The following SCEL variants were observed in gnomAD, a reference collection of about 807,000 sequenced individuals.
SCEL encodes sciellin.
In SCEL, 113 loss-of-function variants were observed where a neutral mutation model predicts 117.6. The ratio of observed to expected loss-of-function variants is 0.96; its 90% CI spans 0.83 to 1.12. The LOEUF is 1.12. SCEL is among the 50% of genes most tolerant of loss of function. The pLI is 0.00. For missense variants in SCEL, 785 were observed against 810.8 expected (o/e 0.97, Z 0.39); for synonymous variants, 270 against 256.2 (o/e 1.05, Z -0.51).
chr13:77,604,296 T>G, intron 18 of SCEL, 60 bp from the exon 19 acceptor site: 2 of 1,045,162 alleles, frequency 1.9e-6, no homozygotes, highest in Non-Finnish European at 2.8e-6. Flanking sequence ...CCAGCCATTA[T>G]TCATCTGATT....
chr13:77,581,753 AG>A (rs1324735819), intron 9 of SCEL, among the ~76,000 whole-genome samples: 2 of 152,172 alleles, frequency 1.3e-5, no homozygotes, highest in African/African-American at 4.8e-5. Context: ...TATCGACTAG[AG>A]ATTGTAAATT....
intron 28 of SCEL, among the ~76,000 whole-genome samples, chr13:77,633,456 A>G (rs2090128618): frequency 6.9e-6 from 1 of 144,146 alleles, no homozygotes; most frequent in African/African-American, 2.6e-5. Context: ...AAAAAAAAAA[A>G]AAAAAAAAAA....
At chr13:77,610,854 T>A (rs1219535923) in intron 22 of SCEL, among the ~76,000 whole-genome samples, 2 of 152,188 alleles carry the variant, frequency 1.3e-5, no homozygotes, top group Admixed American at 1.3e-4. Context: ...TCTCAGTTCA[T>A]TGAAAAAAGA....
intron 1 of SCEL, among the ~76,000 whole-genome samples, chr13:77,543,184 C>T (rs907643557): frequency 1.2e-4 from 18 of 149,466 alleles, no homozygotes; most frequent in Non-Finnish European, 2.2e-4. Context: ...CCCGGGTTCA[C>T]GCCATTCTCC....
Position 77,638,887 on chromosome 13 carries a change from C to G in SCEL, c.1838+1693C>G, listed in dbSNP as rs900316545. 7.9e-5 allele frequency among the ~76,000 whole-genome samples: 12 copies of G among 152,194 alleles called. No individual in the cohort carries two copies. In the East Asian group the frequency reaches 2.3e-3, roughly 29 times the overall value. On this transcript the variant is annotated intron_variant, in intron 30 of 32. Coordinates refer to ENST00000349847, the MANE Select transcript of SCEL (RefSeq NM_144777.3). Reference sequence around the variant, plus strand: ...CTCCACCAACCCCTCATCCCCACCCCACCAAGCCCACCTTGAGAGCTCTTT... The same window carrying G: ...CTCCACCAACCCCTCATCCCCACCCGACCAAGCCCACCTTGAGAGCTCTTT...
At chr13:77,538,220 G>A (rs149570467) in intron 1 of SCEL, among the ~76,000 whole-genome samples, 111 of 150,662 alleles carry the variant, frequency 7.4e-4, no homozygotes, top group South Asian at 3.4e-3. Flanking sequence ...ATGTTCCAGC[G>A]ATTCTCCTGC....
chr13:77,641,522 A>T (rs1776653768), intron 31 of SCEL, among the ~76,000 whole-genome samples: 1 of 152,186 alleles, frequency 6.6e-6, no homozygotes, highest in South Asian at 2.1e-4. Context: ...TGACTAGACC[A>T]GTGGATCTCA....
At chr13:77,567,834 C>T in intron 6 of SCEL, 86 bp downstream of exon 6, 1 of 795,082 alleles carries the variant, frequency 1.3e-6, no homozygotes, top group Non-Finnish European at 2.1e-6. Context: ...TTCAATCCTA[C>T]TTGATATCTT....
chr13:77,536,063 C>T (rs1427398833), intron 1 of SCEL, among the ~76,000 whole-genome samples: 2 of 151,950 alleles, frequency 1.3e-5, no homozygotes, highest in African/African-American at 2.4e-5. Flanking sequence ...AAACGAGCAC[C>T]TATTTGATTT....
intron 9 of SCEL, among the ~76,000 whole-genome samples, chr13:77,577,541 C>T (rs2154398374): frequency 6.6e-6 from 1 of 152,298 alleles, no homozygotes; most frequent in African/African-American, 2.4e-5. Context: ...ATGGGGACTA[C>T]AATTCGAGGT....
At chr13:77,635,211 T>G (rs1382951779) in intron 29 of SCEL, among the ~76,000 whole-genome samples, 1 of 152,194 alleles carries the variant, frequency 6.6e-6, no homozygotes, top group Non-Finnish European at 1.5e-5. Context: ...AACCCATGCA[T>G]AATTTACCTT....
chr13:77,614,531 A>G (rs2154403485), intron 24 of SCEL, among the ~76,000 whole-genome samples: 1 of 152,298 alleles, frequency 6.6e-6, no homozygotes, highest in South Asian at 2.1e-4. Flanking sequence ...TTAAATGAAG[A>G]CAATATCATT....
Position 77,575,684 on chromosome 13 carries a change from T to C in SCEL, c.545+3495T>C, listed in dbSNP as rs2085900751. On this transcript the variant is annotated intron_variant, in intron 9 of 32. Transcript: ENST00000349847. ...ACAGCAAGACATGGCATGTAAAGTT[T>C]TTAATTTAAATAAAACCTTTGGCCC... is the stretch of plus-strand genomic sequence containing the variant. Among the ~76,000 whole-genome samples the C allele has an allele frequency of 2.0e-5, 3 of 152,200 alleles. No homozygotes were observed. In the South Asian group the frequency reaches 6.2e-4, roughly 32 times the overall value.
At chr13:77,631,994 C>T (rs2090042765) in intron 28 of SCEL, among the ~76,000 whole-genome samples, 1 of 152,222 alleles carries the variant, frequency 6.6e-6, no homozygotes, top group East Asian at 1.9e-4. Context: ...TCACTGTGTA[C>T]TCACATGGCC....
At chr13:77,543,776 GTTC>G (rs1469120257) in intron 1 of SCEL, among the ~76,000 whole-genome samples, 1 of 152,130 alleles carries the variant, frequency 6.6e-6, no homozygotes, top group Non-Finnish European at 1.5e-5. Flanking sequence ...ACATGATTTC[GTTC>G]TTTTTTTATT....
intron 19 of SCEL, among the ~76,000 whole-genome samples, chr13:77,606,315 G>A (rs1211440693): frequency 6.6e-6 from 1 of 152,186 alleles, no homozygotes; most frequent in Non-Finnish European, 1.5e-5. Flanking sequence ...ATGTACCTGT[G>A]TGTGTGAGCG....
At chr13:77,614,721 A>G (rs2154403504) in intron 24 of SCEL, among the ~76,000 whole-genome samples, 1 of 152,276 alleles carries the variant, frequency 6.6e-6, no homozygotes, top group Admixed American at 6.5e-5. Context: ...GAATCTATTT[A>G]TTTTGCAGAA....
At chr13:77,599,578 A>G in intron 14 of SCEL, 111 bp from the exon 15 acceptor site, 1 of 939,194 alleles carries the variant, frequency 1.1e-6, no homozygotes. Context: ...TCCATTCAAT[A>G]AGAGTAAATG....
intron 7 of SCEL, 31 bp downstream of exon 7, chr13:77,568,364 C>A: frequency 7.2e-7 from 1 of 1,382,718 alleles, no homozygotes; most frequent in Non-Finnish European, 1.0e-6. Flanking sequence ...TAGTATATTT[C>A]TTTTTATGTA....
Sources: gnomAD v4.1 joint callset for allele counts (sites outside exome capture counted in the v4.1 genomes callset) on GRCh38, gnomAD v4.1.1 for gene constraint, MANE v1.5 for transcripts, NCBI Gene and HGNC (gene_info 2026-07-23, HGNC 2026-07-21) for gene names.